The following EIF2D variants were observed in gnomAD, a reference collection of about 807,000 sequenced individuals.
EIF2D encodes eukaryotic translation initiation factor 2D.
A neutral mutation model predicts 77.4 loss-of-function variants in EIF2D; 56 were observed. The observed-to-expected ratio is 0.72, with a 90% CI of 0.58 to 0.90. EIF2D has a LOEUF of 0.90. EIF2D is among the 40% of genes least tolerant of loss of function. The probability of loss-of-function intolerance (pLI) is 0.00; values close to 1 mark genes in which losing one functional copy is unlikely to be tolerated. For synonymous variants in EIF2D, 230 were observed against 271.0 expected, an observed-to-expected ratio of 0.85 and a Z score of 1.49; for missense variants, 574 against 706.5, an observed-to-expected ratio of 0.81 and a Z score of 2.13.
chr1:206,581,636 G>GGA (rs1241313149), intron 2 of EIF2D, among the ~76,000 whole-genome samples: 14 of 150,636 alleles, frequency 9.3e-5, no homozygotes, highest in African/African-American at 2.9e-4. Context: ...GAGAGAGGGG[G>GGA]GAGAGAGAGA....
downstream of EIF2D, chr1:206,588,378 T>C (rs1465048164): frequency 6.6e-6 from 1 of 152,336 alleles, no homozygotes; most frequent in Non-Finnish European, 1.5e-5. Flanking sequence ...CACTGGCTTC[T>C]TGTTTAGGCT....
rs141474600 is a variant in EIF2D at position 206,600,188 on chromosome 1, G to A, written c.948+75C>T. 237 of 1,428,724 alleles carry A rather than the reference G, an allele frequency of 1.7e-4. No individual in the cohort carries two copies. The African/African-American group carries it at 3.1e-3, about 19-fold the overall frequency. 88.5% of individuals were successfully genotyped at this position (1,428,724 alleles called of 1,614,324 possible). A position where few individuals can be genotyped will look rare whatever the true frequency, so the allele number is the denominator to read the frequency against. ...GAGCCTGGTAGACAAGGCTTCCCCAGCATCCATCTGGCTTATGTCATATGT... is the reference window on the plus strand; with the variant it reads ...GAGCCTGGTAGACAAGGCTTCCCCAACATCCATCTGGCTTATGTCATATGT... On this transcript the variant is annotated intron_variant, in intron 8 of 14. Coordinates refer to ENST00000271764, the MANE Select transcript of EIF2D (RefSeq NM_006893.3).
At position 206,585,166 on chromosome 1, in the gene EIF2D, C is replaced by G. The variant is rs1553407335; in HGVS notation, c.139-4004G>C. 4.4e-6 allele frequency: 7 copies of G among 1,602,312 alleles called. No homozygotes were observed. In the East Asian group the frequency reaches 1.6e-4, roughly 36 times the overall value. ...TTCTGGGAAGAGCTCCCAGCACCCT[C>G]TCTTGGTTTGCAGTGCTCTTCCAGA... On this transcript the variant is annotated intron_variant and NMD_transcript_variant, in intron 2 of 5. Transcript: ENST00000472709.
At chr1:206,600,608 G>C in intron 7 of EIF2D, 2 of 311,988 alleles carry the variant, frequency 6.4e-6, no homozygotes, top group South Asian at 2.4e-4. Context: ...TGTGACCAAG[G>C]GAACTGAATT....
intron 5 of EIF2D, among the ~76,000 whole-genome samples, chr1:206,604,252 G>T (rs1465714633): frequency 6.6e-6 from 1 of 151,606 alleles, no homozygotes; most frequent in African/African-American, 2.4e-5. Flanking sequence ...AGACTAGCCT[G>T]GCCAACACGG....
chr1:206,590,788 GA>G (rs1553408819), downstream of EIF2D, among the ~76,000 whole-genome samples: 1 of 152,016 alleles, frequency 6.6e-6, no homozygotes, highest in African/African-American at 2.4e-5. Flanking sequence ...GAAAAACTGA[GA>G]AGAGAAAGAA....
chr1:206,584,323 A>T lies in EIF2D; in HGVS notation c.139-3161T>A. The T allele has an allele frequency of 6.7e-7, 1 of 1,501,756 alleles. No individual in the cohort carries two copies. The allele number at this position is 1,501,756 out of a possible 1,614,324, so 93.0% of individuals were successfully genotyped here. On this transcript the variant is annotated intron_variant and NMD_transcript_variant, in intron 2 of 5. Transcript: ENST00000472709. The surrounding 1 kb of genome is among the most constrained non-coding windows in gnomAD (Gnocchi z 4.9). ...GGGTGCTGCTGGGGCAATGGCCCCG[A>T]GTGGCAGATATGATCATGCAAGGCG...
intron 2 of EIF2D, among the ~76,000 whole-genome samples, chr1:206,609,984 A>C (rs1174284958): frequency 1.3e-5 from 2 of 152,144 alleles, no homozygotes; most frequent in Non-Finnish European, 2.9e-5. Context: ...GAAAAGCCCC[A>C]AGTTACAAAG....
chr1:206,575,069 T>G (rs1668591024), intron 4 of EIF2D, among the ~76,000 whole-genome samples: 1 of 151,990 alleles, frequency 6.6e-6, no homozygotes, highest in Non-Finnish European at 1.5e-5. Flanking sequence ...TTTCATTATG[T>G]TGCCCAGGCT....
Position 206,608,177 on chromosome 1 carries a change from C to T in EIF2D, c.422+59G>A, listed in dbSNP as rs553981870. The T allele has an allele frequency of 1.2e-4, 187 of 1,515,432 alleles. 3 individuals are homozygous for T. The South Asian group carries it at 2.0e-3, about 17-fold the overall frequency. 93.9% of individuals were successfully genotyped at this position (1,515,432 alleles called of 1,614,324 possible). A position where few individuals can be genotyped will look rare whatever the true frequency, so the allele number is the denominator to read the frequency against. On this transcript the variant is annotated intron_variant, in intron 4 of 14. Coordinates refer to ENST00000271764, the MANE Select transcript of EIF2D (RefSeq NM_006893.3). ...ATATGCTTTATAAGTTGTCATTCCC[C>T]TCCAACTTCTCTTTTACACAAGTTT...
downstream of EIF2D, chr1:206,589,428 A>G (rs1009804485): frequency 6.6e-6 from 1 of 152,344 alleles, no homozygotes; most frequent in Non-Finnish European, 1.5e-5. Flanking sequence ...TGTTCAAATA[A>G]TTTGGGAAAA....
At chr1:206,582,096 A>C (rs533746448) in intron 2 of EIF2D, among the ~76,000 whole-genome samples, 3 of 152,164 alleles carry the variant, frequency 2.0e-5, no homozygotes, top group South Asian at 4.1e-4. Flanking sequence ...GGTTCTGACC[A>C]ACCAGTTCCC....
At chr1:206,609,224 G>A in intron 3 of EIF2D, 152 bp downstream of exon 3, 6 of 698,942 alleles carry the variant, frequency 8.6e-6, no homozygotes, top group South Asian at 5.5e-5. Flanking sequence ...GATCTTGTGT[G>A]GAACCAGCCA....
At chr1:206,595,619 T>C in intron 13 of EIF2D, 99 bp downstream of exon 13, 1 of 1,465,228 alleles carries the variant, frequency 6.8e-7, no homozygotes, top group Non-Finnish European at 9.2e-7. Flanking sequence ...TTTGATGAGT[T>C]TGAGGCCAAT....
chr1:206,572,920 T>C (rs1371925975), intron 4 of EIF2D, among the ~76,000 whole-genome samples: 1 of 152,162 alleles, frequency 6.6e-6, no homozygotes, highest in Non-Finnish European at 1.5e-5. Context: ...GGAATCAAGG[T>C]CCCATATTGG....
At chr1:206,575,159 G>T (rs1270271566) in intron 4 of EIF2D, among the ~76,000 whole-genome samples, 1 of 152,090 alleles carries the variant, frequency 6.6e-6, no homozygotes, top group African/African-American at 2.4e-5. Context: ...AGATAGATGG[G>T]TGTCTGCCCC....
rs782698840 is a variant in EIF2D, at chr1:206,585,336, C to A, written c.139-4174G>T. ...TTGTGCAAACCCAGGCCTTAGGGCACCCTGGGTGGGTGCAGGTGGGTGTTG... is the reference window on the plus strand; with the variant it reads ...TTGTGCAAACCCAGGCCTTAGGGCAACCTGGGTGGGTGCAGGTGGGTGTTG... On this transcript the variant is annotated intron_variant and NMD_transcript_variant, in intron 2 of 5. Transcript: ENST00000472709. 12 of 1,489,732 alleles carry A rather than the reference C, an allele frequency of 8.1e-6. No homozygotes were observed. In the Admixed American group the frequency reaches 1.7e-4, roughly 21 times the overall value. The allele number at this position is 1,489,732 out of a possible 1,614,324, so 92.3% of individuals were successfully genotyped here.
At chr1:206,605,284 T>C in intron 5 of EIF2D, 116 bp downstream of exon 5, 1 of 608,624 alleles carries the variant, frequency 1.6e-6, no homozygotes, top group Non-Finnish European at 2.8e-6. Context: ...AAGTCTGGGC[T>C]TAGCAACTTG....
chr1:206,602,060 A>T, intron 7 of EIF2D: 1 of 385,374 alleles, frequency 2.6e-6, no homozygotes, highest in Non-Finnish European at 4.8e-6. Context: ...CCCACGGCAG[A>T]GGCAGTGTTC....
Sources: allele counts gnomAD v4.1 joint callset (sites outside exome capture counted in the v4.1 genomes callset), GRCh38; gene constraint gnomAD v4.1.1; non-coding constraint Gnocchi (gnomAD v3.1); transcripts MANE v1.5; gene names NCBI Gene and HGNC (gene_info 2026-07-23, HGNC 2026-07-21).